Variants in COL6A5 observed in about 807,000 individuals in gnomAD.
COL6A5 encodes collagen alpha-5(VI) chain.
Under a neutral mutation model 65.6 loss-of-function variants are expected in COL6A5, and 48 were observed. That is an observed-to-expected ratio of 0.73 (90% CI 0.58 to 0.93). The LOEUF is 0.93. Ranked by LOEUF, COL6A5 falls within the 40% of genes least tolerant of loss-of-function variation. COL6A5 has a pLI of 0.00. For missense variants in COL6A5, 914 were observed against 928.3 expected, an observed-to-expected ratio of 0.98 and a Z score of 0.20; for synonymous variants, 291 against 322.8, an observed-to-expected ratio of 0.90 and a Z score of 1.05.
At chr3:130,450,476 T>C (rs1245438281) in intron 4 of COL6A5, among the ~76,000 whole-genome samples, 1 of 152,078 alleles carries the variant, frequency 6.6e-6, no homozygotes, top group Non-Finnish European at 1.5e-5. Flanking sequence ...ACCAGTTTGG[T>C]TGGTGTCCTT....
At chr3:130,433,243 G>A (rs1387142227) in intron 1 of COL6A5, among the ~76,000 whole-genome samples, 1 of 151,826 alleles carries the variant, frequency 6.6e-6, no homozygotes, top group Admixed American at 6.6e-5. Context: ...TTTCTCTCTG[G>A]GGAAAATAAG....
At chr3:130,421,336 A>G in exon 27 of COL6A5, 5 of 1,549,262 alleles carry the variant, frequency 3.2e-6, no homozygotes, top group Non-Finnish European at 4.4e-6. Context: ...GCCCAAGAGG[A>G]TTCCCTGGAG....
intron 10 of COL6A5, 97 bp downstream of exon 10, chr3:130,398,208 G>T: frequency 1.3e-6 from 1 of 789,738 alleles, no homozygotes; most frequent in Non-Finnish European, 2.0e-6. Flanking sequence ...TCAGCTCACT[G>T]CAAGCTCCAC....
intron 1 of COL6A5, among the ~76,000 whole-genome samples, chr3:130,350,544 T>A (rs933304147): frequency 2.6e-5 from 4 of 152,240 alleles, no homozygotes; most frequent in Non-Finnish European, 4.4e-5. Context: ...AAATCACAAG[T>A]GAACTCCCAT....
intron 7 of COL6A5, among the ~76,000 whole-genome samples, chr3:130,392,192 A>T (rs1387317955): frequency 1.3e-5 from 2 of 152,204 alleles, no homozygotes; most frequent in African/African-American, 2.4e-5. Context: ...TCAAAGATCC[A>T]GGGCCCTCTA....
chr3:130,398,754 G>T (rs1467265066), intron 10 of COL6A5, among the ~76,000 whole-genome samples: 1 of 152,190 alleles, frequency 6.6e-6, no homozygotes, highest in African/African-American at 2.4e-5. Context: ...GGATACAAAA[G>T]CCTGGCACTC....
At chr3:130,447,352 G>T (rs757882716) in intron 4 of COL6A5, among the ~76,000 whole-genome samples, 35 of 152,104 alleles carry the variant, frequency 2.3e-4, no homozygotes, top group Non-Finnish European at 4.1e-4. Context: ...ATTAACGCCA[G>T]GTCCCTGATT....
At chr3:130,421,430 T>C (rs1937515931) in intron 27 of COL6A5, 70 bp downstream of exon 27, 3 of 1,411,004 alleles carry the variant, frequency 2.1e-6, no homozygotes, top group Non-Finnish European at 2.9e-6. Flanking sequence ...GATAAACCTG[T>C]AGGTCTGAAT....
chr3:130,450,757 A>G (rs1709413059), intron 4 of COL6A5, among the ~76,000 whole-genome samples: 1 of 152,148 alleles, frequency 6.6e-6, no homozygotes, highest in South Asian at 2.1e-4. Flanking sequence ...TAACCATGGT[A>G]AAAGAAACAG....
intron 1 of COL6A5, among the ~76,000 whole-genome samples, chr3:130,351,418 A>G (rs1292272986): frequency 1.3e-5 from 2 of 152,226 alleles, no homozygotes; most frequent in Admixed American, 6.5e-5. Context: ...TACCCATCTG[A>G]TAAAGGGTTA....
chr3:130,414,088 G>A, exon 22 of COL6A5: 1 of 1,550,840 alleles, frequency 6.4e-7, no homozygotes, highest in Non-Finnish European at 8.7e-7. Flanking sequence ...GGAAATCCTG[G>A]ACCTACAGGC....
intron 1 of COL6A5, among the ~76,000 whole-genome samples, chr3:130,358,591 A>G (rs1024183223): frequency 6.6e-6 from 1 of 152,206 alleles, no homozygotes; most frequent in Non-Finnish European, 1.5e-5. Context: ...ACCTTTCCCA[A>G]TCTCACTAGT....
chr3:130,385,271 G>C (rs1211652843), exon 5 of COL6A5: 1 of 1,550,960 alleles, frequency 6.4e-7, no homozygotes, highest in Admixed American at 2.0e-5. Flanking sequence ...GCAAGAAATT[G>C]CTGGGAAAGA....
At chr3:130,381,910 A>T (rs1199313566) in intron 4 of COL6A5, among the ~76,000 whole-genome samples, 1 of 152,130 alleles carries the variant, frequency 6.6e-6, no homozygotes, top group Non-Finnish European at 1.5e-5. Context: ...ATGGGAAGAT[A>T]TGGGACCAAA....
At chr3:130,439,339 TTGTGTGTGTGTGTGTGTGTG>T (rs5852597) in intron 1 of COL6A5, among the ~76,000 whole-genome samples, 163 bp from the exon 34 acceptor site, 37 of 146,664 alleles carry the variant, frequency 2.5e-4, no homozygotes, top group Non-Finnish European at 4.4e-4. Flanking sequence ...AAGCAGGGGA[TTGTGTGTGTGTGTGTGTGTG>T]TGTGTGTGTG....
chr3:130,398,386 T>C (rs1936691712), intron 10 of COL6A5, among the ~76,000 whole-genome samples: 2 of 152,144 alleles, frequency 1.3e-5, no homozygotes, highest in African/African-American at 2.4e-5. Flanking sequence ...CGACTTGGCC[T>C]CCCAAAGTGC....
intron 4 of COL6A5, among the ~76,000 whole-genome samples, chr3:130,451,977 C>T (rs961085690): frequency 2.0e-5 from 3 of 152,280 alleles, no homozygotes; most frequent in East Asian, 1.9e-4. Context: ...TGCACCAACA[C>T]GATCCCATAG....
At position 130,467,845 on chromosome 3, in the gene COL6A5, A is replaced by G. The variant is rs568393944; in HGVS notation, c.1545-950A>G. On this transcript the variant is annotated intron_variant, in intron 5 of 7. Transcript: ENST00000512836. The stretch of plus-strand genomic sequence containing the variant: ...ATCAATAAATTTCTGGCAGTTAAAA[A>G]TCTACTTTTTGCTTGATTAGGTTCA... Among the ~76,000 whole-genome samples, 11 of 152,194 alleles carry G rather than the reference A, an allele frequency of 7.2e-5. No individual in the cohort carries two copies. The East Asian group carries it at 2.1e-3, about 29-fold the overall frequency.
intron 12 of COL6A5, among the ~76,000 whole-genome samples, chr3:130,403,382 C>T (rs1936876941): frequency 6.6e-6 from 1 of 152,120 alleles, no homozygotes; most frequent in Non-Finnish European, 1.5e-5. Context: ...GGTCAGCCTC[C>T]CGCAAGCATT....
Sources: allele counts gnomAD v4.1 joint callset (sites outside exome capture counted in the v4.1 genomes callset), GRCh38; gene constraint gnomAD v4.1.1; transcripts MANE v1.5; gene names NCBI Gene and HGNC (gene_info 2026-07-23, HGNC 2026-07-21).